Variants in NAV3 observed in about 807,000 individuals in gnomAD.
NAV3 encodes pore membrane and/or filament interacting like protein 1.
Under a neutral mutation model 244.7 loss-of-function variants are expected in NAV3, and 87 were observed. That is an observed-to-expected ratio of 0.36 (90% CI 0.30 to 0.42). NAV3 has a LOEUF of 0.42. Among genes scored for constraint, NAV3 ranks in the 20% least tolerant of loss-of-function variants. NAV3 has a pLI of 1.00. For synonymous variants in NAV3, 1,126 were observed against 1,042.2 expected, an observed-to-expected ratio of 1.08 and a Z score of -1.55; for missense variants, 2,663 against 2,893.3, an observed-to-expected ratio of 0.92 and a Z score of 1.83.
chr12:77,584,238 G>A (rs140880573), intron 2 of NAV3, among the ~76,000 whole-genome samples: 9 of 152,226 alleles, frequency 5.9e-5, no homozygotes, highest in East Asian at 5.8e-4. Context: ...CATATGATAC[G>A]TACTCAGGAA....
intron 2 of NAV3, among the ~76,000 whole-genome samples, chr12:77,688,172 A>G (rs1448068570): frequency 6.6e-6 from 1 of 151,918 alleles, no homozygotes; most frequent in Non-Finnish European, 1.5e-5. Context: ...TAATATTAGT[A>G]CCGAAAAGTT....
intron 1 of NAV3, among the ~76,000 whole-genome samples, chr12:77,848,269 A>G (rs79340916): frequency 0.012 from 1,756 of 152,288 alleles, 28 homozygotes; most frequent in African/African-American, 0.04. Context: ...CTGGCAATGT[A>G]TTTTTGTAAT....
intron 39 of NAV3, 34 bp downstream of exon 39, chr12:78,205,172 T>C (rs1252459032): frequency 6.3e-7 from 1 of 1,587,660 alleles, no homozygotes; most frequent in Non-Finnish European, 8.6e-7. Context: ...TCCTATGTAA[T>C]CTTGACTACA....
chr12:77,603,849 T>C (rs1358155337), intron 2 of NAV3, among the ~76,000 whole-genome samples: 7 of 152,022 alleles, frequency 4.6e-5, no homozygotes, highest in African/African-American at 1.7e-4. Context: ...GGGAGATGCT[T>C]AAGTTATAGG....
intron 18 of NAV3, chr12:78,130,829 G>A (rs534516496): frequency 1.4e-3 from 265 of 184,092 alleles, no homozygotes; most frequent in Non-Finnish European, 2.5e-3. Flanking sequence ...AAACTCATTG[G>A]TTACTTCTCC....
At chr12:78,077,764 C>T (rs1953125498) in intron 12 of NAV3, among the ~76,000 whole-genome samples, 2 of 152,126 alleles carry the variant, frequency 1.3e-5, no homozygotes, top group South Asian at 4.1e-4. Flanking sequence ...ATGGTGAAAC[C>T]CCGTCTCTAC....
chr12:77,615,618 C>T (rs185957909), intron 2 of NAV3, among the ~76,000 whole-genome samples: 3 of 152,258 alleles, frequency 2.0e-5, no homozygotes, highest in East Asian at 1.9e-4. Flanking sequence ...TAAAGTCCAC[C>T]GTTGATGGGC....
At chr12:78,134,096 T>A (rs878897193) in intron 18 of NAV3, among the ~76,000 whole-genome samples, 1 of 152,222 alleles carries the variant, frequency 6.6e-6, no homozygotes, top group Admixed American at 6.5e-5. Context: ...ATTCTCTAAA[T>A]TCGATGGATC....
At chr12:78,021,986 A>C in intron 9 of NAV3, 124 bp downstream of exon 9, 6 of 443,838 alleles carry the variant, frequency 1.4e-5, no homozygotes, top group Non-Finnish European at 2.4e-5. Context: ...TATACATCTC[A>C]TGCTTCAAAG....
Position 77,692,139 on chromosome 12 carries a change from C to T in NAV3, c.72+119873C>T, listed in dbSNP as rs140729248. ...AATCGTTGTGCAATAAACATTGATA[C>T]ATATAAATGGGAGACAAAAAGAAGA... On this transcript the variant is annotated intron_variant, in intron 2 of 8. Transcript: ENST00000550042. 4.9e-3 allele frequency among the ~76,000 whole-genome samples: 746 copies of T among 151,822 alleles called. 4 individuals are homozygous for T. The highest frequency in any genetic ancestry group is 0.017 in the African/African-American group (717 of 41,452).
At chr12:78,197,460 T>C in intron 35 of NAV3, 59 bp downstream of exon 35, 1 of 1,346,620 alleles carries the variant, frequency 7.4e-7, no homozygotes, top group Admixed American at 2.4e-5. Context: ...CAAATTTGCC[T>C]TCTTGTACCT....
intron 2 of NAV3, among the ~76,000 whole-genome samples, chr12:77,734,734 C>T: frequency 6.6e-6 from 1 of 152,122 alleles, no homozygotes; most frequent in East Asian, 1.9e-4. Context: ...AGGGACACTG[C>T]ACAACCCCAA....
At chr12:78,087,914 A>C (rs1362564571) in intron 12 of NAV3, among the ~76,000 whole-genome samples, 2 of 151,854 alleles carry the variant, frequency 1.3e-5, no homozygotes, top group African/African-American at 4.8e-5. Context: ...TATTATGTTT[A>C]TTGCAAAAGG....
chr12:78,026,064 T>C (rs1453919632), intron 9 of NAV3, among the ~76,000 whole-genome samples: 7 of 152,236 alleles, frequency 4.6e-5, no homozygotes, highest in African/African-American at 1.2e-4. Flanking sequence ...GGTTTCCTTT[T>C]CTAGTTATAC....
chr12:78,123,374 A>C (rs984041044), intron 16 of NAV3, among the ~76,000 whole-genome samples: 2 of 150,258 alleles, frequency 1.3e-5, no homozygotes, highest in African/African-American at 4.9e-5. Flanking sequence ...TTTAACTCTG[A>C]TATTGATGAT....
chr12:77,969,304 T>G (rs539021347), intron 5 of NAV3, among the ~76,000 whole-genome samples: 1 of 152,132 alleles, frequency 6.6e-6, no homozygotes, highest in East Asian at 1.9e-4. Flanking sequence ...TCCATTATTA[T>G]TATTTTTTTC....
chr12:77,748,698 G>A (rs111351088), intron 2 of NAV3, among the ~76,000 whole-genome samples: 139 of 152,246 alleles, frequency 9.1e-4, no homozygotes, highest in African/African-American at 3.2e-3. Flanking sequence ...CCAACTTAAA[G>A]AGTAGGATAG....
At chr12:78,003,845 A>C (rs1873745115) in intron 7 of NAV3, among the ~76,000 whole-genome samples, 2 of 152,262 alleles carry the variant, frequency 1.3e-5, no homozygotes, top group South Asian at 4.1e-4. Context: ...ATCAACTCAG[A>C]GGAACAGGTG....
At chr12:77,747,134 T>A (rs2135786022) in intron 2 of NAV3, among the ~76,000 whole-genome samples, 1 of 152,300 alleles carries the variant, frequency 6.6e-6, no homozygotes, top group East Asian at 1.9e-4. Flanking sequence ...TTGTTTATGT[T>A]TTGTGAAATT....
Sources: allele counts gnomAD v4.1 joint callset (sites outside exome capture counted in the v4.1 genomes callset), GRCh38; gene constraint gnomAD v4.1.1; transcripts MANE v1.5; gene names NCBI Gene and HGNC (gene_info 2026-07-23, HGNC 2026-07-21).